UNC93A: variants seen among roughly 807,000 people sequenced by gnomAD.
UNC93A encodes unc-93 homolog A, also known as N-acetylglucosamine transporter UNC93A.
A neutral mutation model predicts 47.5 loss-of-function variants in UNC93A; 43 were observed. That is an observed-to-expected ratio of 0.91 (90% confidence interval 0.71 to 1.17). The LOEUF (loss-of-function observed/expected upper bound fraction) is 1.17, where lower values mean the gene tolerates loss of function less well. Among genes scored for constraint, UNC93A ranks in the 50% most tolerant of loss-of-function variants. The pLI is 0.00. For missense variants in UNC93A, 605 were observed against 577.6 expected (o/e 1.05, Z -0.49); for synonymous variants, 280 against 258.0 (o/e 1.09, Z -0.82).
intron 1 of UNC93A, among the ~76,000 whole-genome samples, chr6:167,285,676 G>A (rs558019715): frequency 1.2e-4 from 18 of 151,680 alleles, no homozygotes; most frequent in African/African-American, 4.3e-4. Context: ...TGGGGTGGGG[G>A]TTCTGGAGGG....
chr6:167,287,367 G>A (rs75873882), upstream of UNC93A, among the ~76,000 whole-genome samples: 1,984 of 152,254 alleles, frequency 0.013, 50 homozygotes, highest in African/African-American at 0.045. Context: ...TGTGGATAGC[G>A]TGTGTACCAC....
rs1476928311 is a variant in UNC93A at position 167,307,908 on chromosome 6, A to G, written c.1106A>G (p.Asn369Ser). Residue 369 changes from asparagine to serine, a missense_variant and splice_region_variant, in exon 7 of 8, where the codon AAT (asparagine) becomes AGT (serine). Asn to Ser is a conservative substitution (Grantham distance 46). Coordinates refer to ENST00000230256, the MANE Select transcript of UNC93A (RefSeq NM_018974.4). ...GATGCCGTCTGGCAGACACAAAACA[A>G]TGGTGAGTCCCCAGCCCAGGCCCCT... ...VADAVWQTQN[N>S]ALYGVLFEKS... The G allele has an allele frequency of 2.5e-6, 4 of 1,612,924 alleles. No homozygotes were observed. The highest frequency in any genetic ancestry group is 4.5e-5 in the East Asian group (2 of 44,810).
intron 1 of UNC93A, among the ~76,000 whole-genome samples, chr6:167,281,053 G>C (rs959913851): frequency 6.6e-6 from 1 of 152,106 alleles, no homozygotes; most frequent in Admixed American, 6.5e-5. Context: ...TTGCCCAGAA[G>C]GATGTCCCAC....
chr6:167,306,890 C>T (rs1160366608), intron 6 of UNC93A, among the ~76,000 whole-genome samples: 3 of 152,182 alleles, frequency 2.0e-5, no homozygotes, highest in Admixed American at 6.5e-5. Context: ...AATGGGCAGC[C>T]TCATTACTGC....
chr6:167,276,770 A>T (rs1460865195), intron 1 of UNC93A, among the ~76,000 whole-genome samples: 1 of 152,080 alleles, frequency 6.6e-6, no homozygotes, highest in Non-Finnish European at 1.5e-5. Context: ...AAGCAAAAAA[A>T]ATGTATTTAT....
chr6:167,295,365 C>A (rs146247750), intron 2 of UNC93A, among the ~76,000 whole-genome samples: 2 of 152,228 alleles, frequency 1.3e-5, no homozygotes, highest in Non-Finnish European at 2.9e-5. Context: ...TCTTTTTAAC[C>A]GGGGCTGTCC....
chr6:167,286,977 C>CAA (rs548370859), upstream of UNC93A, among the ~76,000 whole-genome samples: 179 of 109,980 alleles, frequency 1.6e-3, 3 homozygotes, highest in Admixed American at 3.8e-3. Flanking sequence ...GACTCTGTCT[C>CAA]AAAAAAAAAA....
intron 4 of UNC93A, among the ~76,000 whole-genome samples, chr6:167,303,025 G>A (rs752049014): frequency 7.9e-5 from 12 of 152,152 alleles, no homozygotes; most frequent in Admixed American, 1.3e-4. Context: ...CACCTCTGCT[G>A]TCAGAGTGAA....
chr6:167,273,955 T>C (rs991990164), intron 1 of UNC93A, among the ~76,000 whole-genome samples: 5 of 152,098 alleles, frequency 3.3e-5, no homozygotes, highest in African/African-American at 7.2e-5. Flanking sequence ...AGACTTAAAA[T>C]GTGCCAGAAA....
At chr6:167,269,770 C>CTT (rs200873286), upstream of UNC93A, among the ~76,000 whole-genome samples, 3 of 140,326 alleles carry the variant, frequency 2.1e-5, no homozygotes, top group Non-Finnish European at 3.0e-5. Context: ...CCACGCCTGG[C>CTT]TTTTTTTTGT....
upstream of UNC93A, among the ~76,000 whole-genome samples, chr6:167,270,811 G>C (rs779768954): frequency 3.9e-5 from 6 of 152,236 alleles, no homozygotes; most frequent in Non-Finnish European, 8.8e-5. Context: ...GCAAGGCATT[G>C]GCGCCCTCCC....
At chr6:167,301,617 A>T (rs930557381) in intron 4 of UNC93A, among the ~76,000 whole-genome samples, 3 of 152,138 alleles carry the variant, frequency 2.0e-5, no homozygotes, top group Admixed American at 6.5e-5. Flanking sequence ...GTCACATGAC[A>T]CCCGGACATA....
chr6:167,279,821 C>T (rs1051116529), intron 1 of UNC93A, among the ~76,000 whole-genome samples: 2 of 152,152 alleles, frequency 1.3e-5, no homozygotes, highest in African/African-American at 4.8e-5. Context: ...GACCCTTATC[C>T]TTGGAGAATA....
upstream of UNC93A, among the ~76,000 whole-genome samples, chr6:167,287,742 C>CGTGT (rs10604076): frequency 1.3e-5 from 2 of 149,894 alleles, no homozygotes; most frequent in African/African-American, 2.5e-5. Flanking sequence ...TGTGTGCATG[C>CGTGT]GTGTGTGTGT....
At chr6:167,299,117 C>CAAAAAA (rs35271042) in intron 4 of UNC93A, among the ~76,000 whole-genome samples, 1 of 90,546 alleles carries the variant, frequency 1.1e-5, no homozygotes, top group Non-Finnish European at 2.2e-5. Flanking sequence ...GACTCCATCT[C>CAAAAAA]AAAAAAAAAA....
In UNC93A at chr6:167,296,214, G is replaced by T. The variant is rs2235197; in HGVS notation, c.452G>T (p.Trp151Leu). 6.2e-7 allele frequency: 1 copy of T among 1,614,168 alleles called. No homozygotes were observed. The highest frequency in any genetic ancestry group is 1.3e-5 in the African/African-American group (1 of 75,032). Residue 151 changes from tryptophan (W) to leucine (L), a missense_variant, in exon 3 of 8, where the codon TGG becomes TTG. Physicochemically the swap from Trp to Leu is moderately conservative, Grantham distance 61. Transcript: ENST00000230256. ...CTCATATTCCAGTCATCCGGTGTGT[G>T]GGGCAACTTGATCTCATCGCTGGTA... Reference protein sequence around the residue: ...FFLIFQSSGVWGNLISSLVFG... With the variant: ...FFLIFQSSGVLGNLISSLVFG...
intron 1 of UNC93A, among the ~76,000 whole-genome samples, chr6:167,293,898 G>T (rs1216729264): frequency 6.6e-6 from 1 of 152,206 alleles, no homozygotes; most frequent in Non-Finnish European, 1.5e-5. Context: ...TCTGGATGGG[G>T]CACCCAGCAC....
rs74606825 is a variant in UNC93A at position 167,279,792 on chromosome 6, G to A, written c.-52+8334G>A. On this transcript the variant is annotated intron_variant, in intron 1 of 3. Transcript: ENST00000503433. ...CAAAGCTTTTAGTTTGCACATAGTA[G>A]AGAATGAAAAAGATGCCAGACCCTT... Among the ~76,000 whole-genome samples, 1,262 of 152,306 alleles carry A rather than the reference G, an allele frequency of 8.3e-3. 18 individuals are homozygous for A. Among genetic ancestry groups the A allele is most frequent in the African/African-American group, 0.029 (1,188 of 41,554 alleles).
intron 4 of UNC93A, among the ~76,000 whole-genome samples, chr6:167,299,136 A>AATG (rs3046653): frequency 0.22 from 24,483 of 112,216 alleles, 2,581 homozygotes; most frequent in African/African-American, 0.3. Context: ...AAAAATACAC[A>AATG]CACACACACA....
Sources: gnomAD v4.1 joint callset for allele counts (sites outside exome capture counted in the v4.1 genomes callset) on GRCh38, gnomAD v4.1.1 for gene constraint, MANE v1.5 for transcripts, NCBI Gene and HGNC (gene_info 2026-07-23, HGNC 2026-07-21) for gene names.